The following BANK1 variants were observed in gnomAD, a reference collection of about 807,000 sequenced individuals.
BANK1 encodes the protein B cell scaffold protein with ankyrin repeats 1.
BANK1 carries 95 observed loss-of-function variants against 94.5 expected under a neutral mutation model. The observed-to-expected ratio is 1.00, with a 90% CI of 0.85 to 1.19. BANK1 has a LOEUF of 1.19. Among genes scored for constraint, BANK1 ranks in the 50% most tolerant of loss-of-function variants. The pLI, the probability that BANK1 is intolerant of heterozygous loss-of-function variation, is 0.00. For synonymous variants in BANK1, 334 were observed against 308.4 expected, an observed-to-expected ratio of 1.08 and a Z score of -0.87; for missense variants, 987 against 932.2, an observed-to-expected ratio of 1.06 and a Z score of -0.77.
At chr4:102,068,336 C>T (rs902530745) in intron 13 of BANK1, among the ~76,000 whole-genome samples, 1 of 151,134 alleles carries the variant, frequency 6.6e-6, no homozygotes, top group African/African-American at 2.4e-5. Flanking sequence ...TAATTAAGAT[C>T]AGAAATCAGT....
chr4:101,859,714 C>T (rs984514465), intron 3 of BANK1, among the ~76,000 whole-genome samples: 1 of 152,164 alleles, frequency 6.6e-6, no homozygotes, highest in Admixed American at 6.5e-5. Context: ...CAGAGCTGAG[C>T]ATGCTCAATG....
chr4:101,903,530 G>GA (rs1389870769), intron 6 of BANK1, among the ~76,000 whole-genome samples: 3 of 152,108 alleles, frequency 2.0e-5, no homozygotes, highest in Admixed American at 2.0e-4. Flanking sequence ...ATGCTGAGTT[G>GA]AAAAAATTAG....
At chr4:101,964,903 G>GCT (rs1724694436) in intron 7 of BANK1, among the ~76,000 whole-genome samples, 2 of 131,834 alleles carry the variant, frequency 1.5e-5, no homozygotes, top group South Asian at 2.8e-4. Context: ...CTCCCAATGC[G>GCT]ATCCCTCCCC....
chr4:101,819,120 C>A (rs1165150231), intron 1 of BANK1, among the ~76,000 whole-genome samples: 1 of 152,012 alleles, frequency 6.6e-6, no homozygotes. Flanking sequence ...TATTATTACA[C>A]CTGACTTCTA....
At chr4:101,992,032 G>A (rs1455511299) in intron 7 of BANK1, among the ~76,000 whole-genome samples, 1 of 152,188 alleles carries the variant, frequency 6.6e-6, no homozygotes, top group Non-Finnish European at 1.5e-5. Flanking sequence ...TTCAACCCAT[G>A]TTACGGAAAC....
intron 11 of BANK1, 42 bp from the exon 12 acceptor site, chr4:102,060,169 C>T (rs569123978): frequency 6.7e-7 from 1 of 1,497,858 alleles, no homozygotes; most frequent in Non-Finnish European, 8.9e-7. Context: ...CAGTTGTCTA[C>T]ACCTGGACTT....
chr4:101,912,431 G>A (rs759762921), intron 6 of BANK1, among the ~76,000 whole-genome samples: 2 of 151,868 alleles, frequency 1.3e-5, no homozygotes, highest in Admixed American at 6.6e-5. Context: ...TGCCAAAGCC[G>A]CCACAGCATC....
chr4:101,903,991 CTG>C (rs977722541), intron 6 of BANK1, among the ~76,000 whole-genome samples: 9 of 152,288 alleles, frequency 5.9e-5, no homozygotes, highest in African/African-American at 1.7e-4. Context: ...TAATGTAACA[CTG>C]TGAAAATTTT....
intron 2 of BANK1, among the ~76,000 whole-genome samples, chr4:101,849,362 A>C (rs1727381166): frequency 2.0e-5 from 3 of 152,160 alleles, no homozygotes; most frequent in Admixed American, 2.0e-4. Context: ...CAATGGCTAG[A>C]ATGTTCTCTC....
At chr4:101,927,665 A>G (rs1438697380) in intron 7 of BANK1, among the ~76,000 whole-genome samples, 3 of 151,712 alleles carry the variant, frequency 2.0e-5, no homozygotes, top group African/African-American at 4.8e-5. Flanking sequence ...GTGGTGGAAT[A>G]TAAAAGAAAG....
At chr4:101,875,531 A>G (rs951431428) in intron 5 of BANK1, among the ~76,000 whole-genome samples, 1 of 152,086 alleles carries the variant, frequency 6.6e-6, no homozygotes, top group African/African-American at 2.4e-5. Context: ...TTAAACCATC[A>G]GATCTCATTA....
intron 13 of BANK1, among the ~76,000 whole-genome samples, chr4:102,070,447 A>T (rs899120341): frequency 5.3e-5 from 8 of 152,128 alleles, no homozygotes; most frequent in Admixed American, 3.9e-4. Flanking sequence ...TTATCTCTTA[A>T]TGTGCATGCT....
chr4:102,061,822 T>A (rs1434133474), intron 12 of BANK1: 6 of 152,310 alleles, frequency 3.9e-5, no homozygotes, highest in African/African-American at 7.2e-5. Context: ...CACCTAATAA[T>A]AAGGTTATAA....
intron 9 of BANK1, among the ~76,000 whole-genome samples, chr4:102,027,792 A>G (rs1727154016): frequency 6.6e-6 from 1 of 152,168 alleles, no homozygotes. Context: ...TACAGTTTAT[A>G]AAGAACCCAT....
At chr4:102,061,842 G>A (rs1166095411) in intron 12 of BANK1, 1 of 152,136 alleles carries the variant, frequency 6.6e-6, no homozygotes, top group Non-Finnish European at 1.5e-5. Context: ...ATGGGATAAT[G>A]AATATTGTTC....
intron 5 of BANK1, among the ~76,000 whole-genome samples, chr4:101,889,014 A>G (rs1044324971): frequency 6.6e-6 from 1 of 152,184 alleles, no homozygotes; most frequent in African/African-American, 2.4e-5. Flanking sequence ...TATATATCTC[A>G]AGGAATTCAG....
chr4:101,814,794 A>G (rs1439498115), intron 1 of BANK1, among the ~76,000 whole-genome samples: 1 of 152,188 alleles, frequency 6.6e-6, no homozygotes, highest in African/African-American at 2.4e-5. Flanking sequence ...TCTTTCCTTA[A>G]AACTGTAATA....
At chr4:102,022,440 C>A (rs981202317) in intron 8 of BANK1, among the ~76,000 whole-genome samples, 4 of 152,162 alleles carry the variant, frequency 2.6e-5, no homozygotes, top group Non-Finnish European at 5.9e-5. Flanking sequence ...TCAGCCATTT[C>A]TCTCCCCTTT....
At chr4:101,906,272 AG>A (rs1722445643) in intron 6 of BANK1, among the ~76,000 whole-genome samples, 1 of 152,248 alleles carries the variant, frequency 6.6e-6, no homozygotes, top group Admixed American at 6.5e-5. Flanking sequence ...ACTGATTTAT[AG>A]CTTGTGGAAA....
Sources: allele counts gnomAD v4.1 joint callset (sites outside exome capture counted in the v4.1 genomes callset), GRCh38; gene constraint gnomAD v4.1.1; transcripts MANE v1.5; gene names NCBI Gene and HGNC (gene_info 2026-07-23, HGNC 2026-07-21).